Variants in SOX6 observed in about 807,000 individuals in gnomAD.
SOX6 encodes the protein SRY-box transcription factor 6.
In SOX6, 11 loss-of-function variants were observed where a neutral mutation model predicts 97.8. The ratio of observed to expected loss-of-function variants is 0.11; its 90% confidence interval spans 0.07 to 0.19. SOX6 has a LOEUF of 0.19. SOX6 is among the 10% of genes least tolerant of loss of function. The pLI is 1.00. For synonymous variants in SOX6, 360 were observed against 371.4 expected (o/e 0.97, Z 0.35); for missense variants, 810 against 1,039.5 (o/e 0.78, Z 3.04).
At chr11:16,056,947 G>A (rs1024836817) in intron 9 of SOX6, among the ~76,000 whole-genome samples, 2 of 151,946 alleles carry the variant, frequency 1.3e-5, no homozygotes, top group Non-Finnish European at 2.9e-5. Flanking sequence ...GTACTTGAAG[G>A]TTTTAAAAAA....
chr11:16,434,719 T>C (rs1482959974), intron 1 of SOX6, among the ~76,000 whole-genome samples: 1 of 152,134 alleles, frequency 6.6e-6, no homozygotes, highest in South Asian at 2.1e-4. Context: ...AAGTGCTCAA[T>C]AAAAGTTTTG....
At chr11:16,023,923 T>C (rs532728758) in intron 12 of SOX6, among the ~76,000 whole-genome samples, 1 of 152,274 alleles carries the variant, frequency 6.6e-6, no homozygotes, top group South Asian at 2.1e-4. Context: ...TTTGGAAATA[T>C]CCAAGCTGAG....
Position 16,178,732 on chromosome 11 carries a change from A to AT in SOX6, c.777+5153dup, listed in dbSNP as rs1464809863. ...TGGAAGGAGATCCATTACCTGATCA[A>AT]TAACATACAAAAAACGACTATTTGC... is the stretch of plus-strand genomic sequence containing the variant. On this transcript the variant is annotated intron_variant, in intron 6 of 15. Transcript: ENST00000683767. Among the ~76,000 whole-genome samples, 3 of 152,076 alleles carry AT rather than the reference A, an allele frequency of 2.0e-5. No homozygotes were observed. In the East Asian group the frequency reaches 5.8e-4, roughly 29 times the overall value.
At chr11:16,396,744 A>T (rs1040052131) in intron 1 of SOX6, among the ~76,000 whole-genome samples, 2 of 151,602 alleles carry the variant, frequency 1.3e-5, no homozygotes, top group Non-Finnish European at 3.0e-5. Context: ...TTTATGCAAA[A>T]TCTCAATCTT....
intron 9 of SOX6, among the ~76,000 whole-genome samples, chr11:16,079,627 T>C (rs1168469293): frequency 6.6e-6 from 1 of 152,182 alleles, no homozygotes; most frequent in Non-Finnish European, 1.5e-5. Context: ...ATTTTGAATT[T>C]ACTTATAAGT....
At chr11:16,580,541 T>G (rs1306688547) in intron 4 of SOX6, among the ~76,000 whole-genome samples, 1 of 152,192 alleles carries the variant, frequency 6.6e-6, no homozygotes, top group Non-Finnish European at 1.5e-5. Flanking sequence ...CCCACTTGTA[T>G]GTTCATCGCA....
Position 16,610,601 on chromosome 11 carries a change from T to C in SOX6, n.609+1480A>G, listed in dbSNP as rs1848384848. 6.6e-6 allele frequency among the ~76,000 whole-genome samples: 1 copy of C among 152,100 alleles called. No homozygotes were observed. The highest frequency in any genetic ancestry group is 2.4e-5 in the African/African-American group (1 of 41,422). ...TTTTAGATTTTATCTAATAAACTGA[T>C]AGCAAAGTATATTGATAAGGCGGAA... On this transcript the variant is annotated intron_variant and non_coding_transcript_variant, in intron 4 of 5. Transcript: ENST00000524520. This position sits in a 1 kb window ranked among gnomAD's most constrained non-coding sequence, Gnocchi z 4.4.
intron 5 of SOX6, among the ~76,000 whole-genome samples, chr11:16,184,886 C>T (rs1038909256): frequency 7.7e-6 from 1 of 130,164 alleles, no homozygotes; most frequent in African/African-American, 3.1e-5. Flanking sequence ...GAGAGAAAAG[C>T]AGCCAGAGAG....
intron 1 of SOX6, among the ~76,000 whole-genome samples, chr11:16,430,549 T>C (rs748065390): frequency 6.6e-5 from 10 of 152,098 alleles, no homozygotes; most frequent in Non-Finnish European, 1.2e-4. Flanking sequence ...AGTGCTCTCA[T>C]AAAAACTCCC....
At chr11:16,143,552 T>C (rs758579024) in intron 6 of SOX6, among the ~76,000 whole-genome samples, 18 of 152,054 alleles carry the variant, frequency 1.2e-4, no homozygotes, top group African/African-American at 1.4e-4. Flanking sequence ...AAGACACAGA[T>C]TGGCAAATTG....
In SOX6 at chr11:16,575,561, T is replaced by C. The variant is rs1847979253; in HGVS notation, n.609+36520A>G. Among the ~76,000 whole-genome samples the C allele has an allele frequency of 2.0e-5, 3 of 152,292 alleles. No individual in the cohort carries two copies. In the South Asian group the frequency reaches 6.2e-4, roughly 32 times the overall value. ...ATTCACACAATAAAAATCAAATCAA[T>C]GAAGTAGGTCTTCATGATAATGATA... On this transcript the variant is annotated intron_variant and non_coding_transcript_variant, in intron 4 of 5. Coordinates refer to the SOX6 transcript ENST00000524520.
At chr11:16,233,915 G>A (rs1852933818) in intron 4 of SOX6, among the ~76,000 whole-genome samples, 1 of 150,684 alleles carries the variant, frequency 6.6e-6, no homozygotes, top group South Asian at 2.1e-4. Context: ...GCTGAGGCAG[G>A]AGAATCGCTT....
chr11:16,466,879 C>T (rs1860045339), intron 1 of SOX6, among the ~76,000 whole-genome samples: 1 of 137,692 alleles, frequency 7.3e-6, no homozygotes. Context: ...TGCAGTGAGC[C>T]GAGATCCCGC....
In SOX6 at chr11:15,972,723, A is replaced by C. The variant is rs1230784028; in HGVS notation, c.*86T>G. 1 of 1,409,070 alleles carries C rather than the reference A, an allele frequency of 7.1e-7. No homozygotes were observed. Among genetic ancestry groups the C allele is most frequent in the Non-Finnish European group, 1.0e-6 (1 of 997,408 alleles). 87.3% of individuals were successfully genotyped at this position (1,409,070 alleles called of 1,614,324 possible). On this transcript the variant is annotated 3_prime_UTR_variant, in exon 16 of 16. Transcript: ENST00000683767. ...ATTCTGCTGATGTAATTGTGGAGCCACAAATGCATGCGGGCTCTTTAATAA... is the reference window on the plus strand; with the variant it reads ...ATTCTGCTGATGTAATTGTGGAGCCCCAAATGCATGCGGGCTCTTTAATAA...
At chr11:16,535,190 G>A (rs78124026) in intron 4 of SOX6, among the ~76,000 whole-genome samples, 2,103 of 152,220 alleles carry the variant, frequency 0.014, 53 homozygotes, top group African/African-American at 0.048. Context: ...GTGCAAGCTC[G>A]TGAAAATATC....
intron 3 of SOX6, among the ~76,000 whole-genome samples, chr11:16,240,275 A>AGTGT (rs4031660): frequency 0.26 from 33,295 of 128,830 alleles, 4,428 homozygotes; most frequent in Middle Eastern, 0.29. Context: ...TAGATAATAT[A>AGTGT]GTGTGTGTGT....
chr11:15,969,154 A>G lies in SOX6; in HGVS notation c.*3655T>C, dbSNP rs1389834196. On this transcript the variant is annotated 3_prime_UTR_variant, in exon 16 of 16. Coordinates refer to ENST00000683767, the MANE Select transcript of SOX6 (RefSeq NM_001367873.1). ...GTGACAAGGAGAACCCTGACCCTGT[A>G]AGTTCTTTAACAAAATGGAGATAAT... 1.4e-5 allele frequency: 2 copies of G among 147,390 alleles called. No homozygotes were observed. The highest frequency in any genetic ancestry group is 3.0e-5 in the Non-Finnish European group (2 of 67,586). 9.1% of individuals were successfully genotyped at this position (147,390 alleles called of 1,614,324 possible). A position where few individuals can be genotyped will look rare whatever the true frequency, so the allele number is the denominator to read the frequency against.
intron 9 of SOX6, among the ~76,000 whole-genome samples, chr11:16,063,508 A>T (rs1185845010): frequency 1.7e-4 from 5 of 29,112 alleles, no homozygotes; most frequent in African/African-American, 8.1e-4. Context: ...ATATATATAT[A>T]TATATATATA....
At chr11:16,416,289 T>C (rs1858925689) in intron 1 of SOX6, among the ~76,000 whole-genome samples, 1 of 152,228 alleles carries the variant, frequency 6.6e-6, no homozygotes, top group Non-Finnish European at 1.5e-5. Context: ...AGCATCATGC[T>C]TCCAGCATTA....
Sources: gnomAD v4.1 joint callset for allele counts (sites outside exome capture counted in the v4.1 genomes callset) on GRCh38, gnomAD v4.1.1 for gene constraint, Gnocchi (gnomAD v3.1) non-coding constraint, MANE v1.5 for transcripts, NCBI Gene and HGNC (gene_info 2026-07-23, HGNC 2026-07-21) for gene names.